The following BCAR3 variants were observed in gnomAD, a reference collection of about 807,000 sequenced individuals.
BCAR3 encodes the protein breast cancer anti-estrogen resistance protein 3.
A neutral mutation model predicts 80.1 loss-of-function variants in BCAR3; 37 were observed. That is an observed-to-expected ratio of 0.46 (90% confidence interval 0.36 to 0.61). The LOEUF is 0.61. BCAR3 is among the 20% of genes least tolerant of loss of function. BCAR3 has a pLI of 0.00. For missense variants in BCAR3, 978 were observed against 1,068.2 expected (o/e 0.92, Z 1.18); for synonymous variants, 389 against 418.9 (o/e 0.93, Z 0.87).
chr1:93,710,147 G>C (rs74101677), intron 2 of BCAR3, among the ~76,000 whole-genome samples: 1 of 152,168 alleles, frequency 6.6e-6, no homozygotes, highest in Admixed American at 6.5e-5. Context: ...CGGTGGATAG[G>C]GGGTGGGAAG....
chr1:93,684,962 T>C (rs1648921017), upstream of BCAR3, among the ~76,000 whole-genome samples: 1 of 152,162 alleles, frequency 6.6e-6, no homozygotes, highest in Admixed American at 6.5e-5. Flanking sequence ...ACTCCTGACA[T>C]CAAGTGATCT....
chr1:93,672,905 A>C (rs1170120056), intron 2 of BCAR3, among the ~76,000 whole-genome samples: 1 of 152,190 alleles, frequency 6.6e-6, no homozygotes, highest in East Asian at 1.9e-4. Context: ...CTAGCTTTGC[A>C]CCAACACCAA....
chr1:93,616,813 G>C (rs543214478), intron 3 of BCAR3, among the ~76,000 whole-genome samples: 2 of 152,304 alleles, frequency 1.3e-5, no homozygotes, highest in South Asian at 4.1e-4. Flanking sequence ...GAGGGGCCCA[G>C]TCAGGCAGCT....
chr1:93,774,316 T>G (rs1323308101), intron 2 of BCAR3, among the ~76,000 whole-genome samples: 1 of 151,950 alleles, frequency 6.6e-6, no homozygotes, highest in Non-Finnish European at 1.5e-5. Flanking sequence ...AAACCTTGCC[T>G]CTGCTAAAAA....
intron 3 of BCAR3, among the ~76,000 whole-genome samples, chr1:93,593,814 C>T (rs1391762646): frequency 6.6e-6 from 1 of 152,096 alleles, no homozygotes; most frequent in Non-Finnish European, 1.5e-5. Flanking sequence ...GCACATTGGC[C>T]CATAAGGAGC....
At position 93,674,880 on chromosome 1, in the gene BCAR3, G is replaced by C. The variant is rs756756546; in HGVS notation, c.51C>G (p.His17Gln). The stretch of plus-strand genomic sequence containing the variant: ...CCATGGATGAGGCCAGGGGGAACTG[G>C]TGATTCACCGGCATGTTTCTGGGAA... ...ASLPRNMPVNHQFPLASSMDL... is the reference protein window; with the variant it reads ...ASLPRNMPVNQQFPLASSMDL... Residue 17 changes from histidine to glutamine, a missense_variant, in exon 2 of 12, where the codon CAC (histidine) becomes CAG (glutamine). Coordinates refer to ENST00000260502, the MANE Select transcript of BCAR3 (RefSeq NM_003567.4). 6.3e-7 allele frequency: 1 copy of C among 1,575,940 alleles called. No individual in the cohort carries two copies. The highest frequency in any genetic ancestry group is 1.4e-5 in the African/African-American group (1 of 72,412).
At chr1:93,623,121 G>C (rs1391414941) in intron 3 of BCAR3, among the ~76,000 whole-genome samples, 1 of 152,184 alleles carries the variant, frequency 6.6e-6, no homozygotes, top group Non-Finnish European at 1.5e-5. Flanking sequence ...TGGAGGCAAT[G>C]GGTATCCAGT....
intron 2 of BCAR3, among the ~76,000 whole-genome samples, chr1:93,745,554 A>T (rs1304941629): frequency 6.6e-6 from 1 of 152,110 alleles, no homozygotes; most frequent in Admixed American, 6.5e-5. Context: ...CCCCTCTATC[A>T]CCAGCACAAT....
intron 3 of BCAR3, chr1:93,613,708 G>T: frequency 9.7e-7 from 1 of 1,033,836 alleles, no homozygotes; most frequent in Non-Finnish European, 1.4e-6. Context: ...GGCTCTTGAA[G>T]ACCCATCAGT....
At chr1:93,642,666 C>T (rs1676020397) in intron 2 of BCAR3, among the ~76,000 whole-genome samples, 1 of 152,182 alleles carries the variant, frequency 6.6e-6, no homozygotes, top group African/African-American at 2.4e-5. Flanking sequence ...GGGAGACAGG[C>T]AGGACTGGGT....
At chr1:93,759,490 G>C (rs564290422) in intron 2 of BCAR3, among the ~76,000 whole-genome samples, 2 of 152,284 alleles carry the variant, frequency 1.3e-5, no homozygotes, top group Non-Finnish European at 2.9e-5. Context: ...GGGTGCTAGG[G>C]GAAGGAGTGT....
intron 2 of BCAR3, among the ~76,000 whole-genome samples, chr1:93,816,535 G>A (rs1429780425): frequency 6.6e-6 from 1 of 151,664 alleles, no homozygotes; most frequent in Non-Finnish European, 1.5e-5. Flanking sequence ...GCTGTGTGTG[G>A]TGGTGGGCGC....
intron 2 of BCAR3, among the ~76,000 whole-genome samples, chr1:93,841,370 T>G (rs1654954548): frequency 6.6e-6 from 1 of 152,236 alleles, no homozygotes; most frequent in Admixed American, 6.5e-5. Flanking sequence ...TCTCAATGCT[T>G]AAATGAATGA....
In BCAR3 at chr1:93,616,307, G is replaced by A. The variant is rs1342500231; in HGVS notation, c.358-23914C>T. Among the ~76,000 whole-genome samples, 4 of 152,154 alleles carry A rather than the reference G, an allele frequency of 2.6e-5. No homozygotes were observed. In the East Asian group the frequency reaches 5.8e-4, roughly 22 times the overall value. ...ATAATTTCTGAAGCAGCACTCAAAG[G>A]TTTTAATCAATTTTCTCCTGAAACG... On this transcript the variant is annotated intron_variant, in intron 3 of 11. Coordinates refer to ENST00000260502, the MANE Select transcript of BCAR3 (RefSeq NM_003567.4).
At chr1:93,826,614 G>C (rs1195181496) in intron 2 of BCAR3, among the ~76,000 whole-genome samples, 2 of 152,178 alleles carry the variant, frequency 1.3e-5, no homozygotes, top group East Asian at 3.8e-4. Context: ...ATTCCAGTGA[G>C]GGAGAAGACT....
At chr1:93,814,901 C>T (rs1340247666) in intron 2 of BCAR3, among the ~76,000 whole-genome samples, 3 of 152,248 alleles carry the variant, frequency 2.0e-5, no homozygotes, top group Admixed American at 6.5e-5. Flanking sequence ...TCCGCTCCTA[C>T]CTAGACTTTA....
rs1655128272 is a variant in BCAR3, at chr1:93,845,488, A to ATC, written c.-63+78_-63+79insGA. 4 of 65,130 alleles carry ATC rather than the reference A, an allele frequency of 6.1e-5. 1 individual carries two copies. Among genetic ancestry groups the ATC allele is most frequent in the Non-Finnish European group, 1.1e-4 (4 of 36,242 alleles). The allele number at this position is 65,130 out of a possible 1,614,324, so 4.0% of individuals were successfully genotyped here. On this transcript the variant is annotated intron_variant, in intron 2 of 13. Transcript: ENST00000370244. ...TATATATATATATATATATATATAT[A>ATC]TATATATATATATAAAACTTTGTTT...
At chr1:93,575,138 CAT>C (rs1297878032) in intron 8 of BCAR3, among the ~76,000 whole-genome samples, 4 of 152,078 alleles carry the variant, frequency 2.6e-5, no homozygotes, top group Non-Finnish European at 5.9e-5. Context: ...CCGAGAGTGA[CAT>C]GTGGCTGGTG....
At chr1:93,702,277 G>C (rs1338815725) in intron 3 of BCAR3, among the ~76,000 whole-genome samples, 1 of 152,178 alleles carries the variant, frequency 6.6e-6, no homozygotes, top group Non-Finnish European at 1.5e-5. Flanking sequence ...TGTGTGCCTA[G>C]GCATGGCGGG....
Sources: allele counts gnomAD v4.1 joint callset (sites outside exome capture counted in the v4.1 genomes callset), GRCh38; gene constraint gnomAD v4.1.1; transcripts MANE v1.5; gene names NCBI Gene and HGNC (gene_info 2026-07-23, HGNC 2026-07-21).